PCDHGA5: variants seen among roughly 807,000 people sequenced by gnomAD.
PCDHGA5 encodes the protein protocadherin gamma subfamily A, 5, also known as protocadherin gamma-A5.
PCDHGA5 carries 36 observed loss-of-function variants against 56.7 expected under a neutral mutation model. The observed-to-expected ratio is 0.64, with a 90% CI of 0.49 to 0.84. The LOEUF (loss-of-function observed/expected upper bound fraction) is 0.84, where lower values mean the gene tolerates loss of function less well. Among genes scored for constraint, PCDHGA5 ranks in the 40% least tolerant of loss-of-function variants. The probability of loss-of-function intolerance (pLI) is 0.00; values close to 1 mark genes in which losing one functional copy is unlikely to be tolerated. For synonymous variants in PCDHGA5, 563 were observed against 520.2 expected (o/e 1.08, Z -1.12); for missense variants, 1,305 against 1,201.5 (o/e 1.09, Z -1.27).
chr5:141,394,980 C>T, intron 1 of PCDHGA5: 2 of 1,614,012 alleles, frequency 1.2e-6, no homozygotes, highest in Non-Finnish European at 1.7e-6. Flanking sequence ...GCACAAGTCA[C>T]GCCTGCTCCA....
At chr5:141,400,392 A>C (rs2094014497) in intron 1 of PCDHGA5, 1 of 1,613,942 alleles carries the variant, frequency 6.2e-7, no homozygotes, top group Admixed American at 1.7e-5. Context: ...TTGCACATAC[A>C]GGAAAGACGG....
At chr5:141,478,712 G>T in intron 1 of PCDHGA5, 1 of 1,547,046 alleles carries the variant, frequency 6.5e-7, no homozygotes, top group Non-Finnish European at 8.7e-7. Flanking sequence ...TTTGTGAGAT[G>T]GTGGCCTGCC....
At chr5:141,383,865 A>C in intron 1 of PCDHGA5, 3 of 1,614,012 alleles carry the variant, frequency 1.9e-6, no homozygotes, top group Non-Finnish European at 2.5e-6. Context: ...TTCAGGCTCA[A>C]GATGGTCCTG....
At chr5:141,399,910 G>T in intron 1 of PCDHGA5, 1 of 1,612,438 alleles carries the variant, frequency 6.2e-7, no homozygotes, top group Non-Finnish European at 8.5e-7. Context: ...CGCAGACTCA[G>T]GACACAACGC....
chr5:141,407,158 G>A (rs2094893881), intron 1 of PCDHGA5, among the ~76,000 whole-genome samples: 1 of 152,166 alleles, frequency 6.6e-6, no homozygotes, highest in African/African-American at 2.4e-5. Flanking sequence ...AAGTGTCTGG[G>A]AATCCTTTAT....
rs1221134827 is a variant in PCDHGA5 at position 141,374,345 on chromosome 5, G to T, written c.2421+7594G>T. ...GCGAAACGGCAGCTTGGTCACCGCGGGTAGGATAGACCGCGAGGAGCTCTG... is the reference window on the plus strand; with the variant it reads ...GCGAAACGGCAGCTTGGTCACCGCGTGTAGGATAGACCGCGAGGAGCTCTG... On this transcript the variant is annotated intron_variant, in intron 1 of 3. Coordinates refer to ENST00000518069, the MANE Select transcript of PCDHGA5 (RefSeq NM_018918.3). The T allele has an allele frequency of 3.7e-6, 6 of 1,613,900 alleles. No homozygotes were observed. The African/African-American group carries it at 8.0e-5, about 22-fold the overall frequency.
intron 1 of PCDHGA5, among the ~76,000 whole-genome samples, chr5:141,492,869 A>G (rs975868829): frequency 6.6e-6 from 1 of 152,010 alleles, no homozygotes; most frequent in African/African-American, 2.4e-5. Context: ...CTGGCTCTCA[A>G]CCCCCAGAGA....
chr5:141,441,954 C>T, intron 1 of PCDHGA5: 1 of 319,608 alleles, frequency 3.1e-6, no homozygotes, highest in Non-Finnish European at 6.0e-6. Context: ...TGCAGGCCAG[C>T]AAGCCCAGGC....
intron 1 of PCDHGA5, among the ~76,000 whole-genome samples, chr5:141,469,134 G>T (rs2099192163): frequency 6.6e-6 from 1 of 151,944 alleles, no homozygotes; most frequent in Non-Finnish European, 1.5e-5. Context: ...AAATTAGCCA[G>T]AAATGGTGGC....
intron 1 of PCDHGA5, among the ~76,000 whole-genome samples, chr5:141,386,242 G>A (rs1359369432): frequency 1.3e-5 from 2 of 152,146 alleles, no homozygotes; most frequent in Non-Finnish European, 2.9e-5. Flanking sequence ...AATTCAGTTG[G>A]AAATAACCCA....
chr5:141,367,878 CTTT>C (rs1165351222), intron 1 of PCDHGA5: 2 of 151,946 alleles, frequency 1.3e-5, no homozygotes, highest in South Asian at 2.1e-4. Flanking sequence ...TGCAATTCTT[CTTT>C]ATTACTTGAG....
chr5:141,440,321 C>T (rs1048535776), intron 1 of PCDHGA5: 1 of 152,104 alleles, frequency 6.6e-6, no homozygotes, highest in African/African-American at 2.4e-5. Context: ...ACAAAAATTA[C>T]TGGGCATGGT....
rs201412037 is a variant in PCDHGA5, at chr5:141,421,093, A to G, written c.2421+54342A>G. The G allele has an allele frequency of 3.5e-5, 23 of 665,630 alleles. No homozygotes were observed. In the East Asian group the frequency reaches 6.2e-4, roughly 18 times the overall value. 41.2% of individuals were successfully genotyped at this position (665,630 alleles called of 1,614,324 possible). On this transcript the variant is annotated intron_variant, in intron 1 of 3. Coordinates refer to ENST00000518069, the MANE Select transcript of PCDHGA5 (RefSeq NM_018918.3). ...GAGATGGATACTCACAGATCCTGAC[A>G]CTGGAGACTTAGAAGTATTTTCCTT... is the stretch of plus-strand genomic sequence containing the variant.
intron 1 of PCDHGA5, chr5:141,399,601 C>T: frequency 6.2e-7 from 1 of 1,613,986 alleles, no homozygotes; most frequent in South Asian, 1.1e-5. Context: ...GGCCAGCGAC[C>T]TAGAGCCTCT....
At chr5:141,469,721 A>G (rs1238006043) in intron 1 of PCDHGA5, among the ~76,000 whole-genome samples, 5 of 152,270 alleles carry the variant, frequency 3.3e-5, no homozygotes, top group African/African-American at 1.2e-4. Context: ...TTAGGAATTT[A>G]TCATAAATAC....
At chr5:141,453,481 T>TA (rs1178324090) in intron 1 of PCDHGA5, among the ~76,000 whole-genome samples, 1 of 151,928 alleles carries the variant, frequency 6.6e-6, no homozygotes, top group African/African-American at 2.4e-5. Context: ...TCAAAACTAT[T>TA]AAAAAAAGGT....
Position 141,385,647 on chromosome 5 carries a change from A to C in PCDHGA5, c.2421+18896A>C, listed in dbSNP as rs541754761. On this transcript the variant is annotated intron_variant, in intron 1 of 3. Transcript: ENST00000518069. The stretch of plus-strand genomic sequence containing the variant: ...GAATGAATCGAGTCTTTCATATTGC[A>C]CAAGGTTAGCAGGAATAAAACACAC... The C allele has an allele frequency of 2.2e-5, 16 of 727,638 alleles. No homozygotes were observed. The African/African-American group carries it at 2.4e-4, about 11-fold the overall frequency. 45.1% of individuals were successfully genotyped at this position (727,638 alleles called of 1,614,324 possible).
chr5:141,372,196 A>G lies in PCDHGA5; in HGVS notation c.2421+5445A>G, dbSNP rs1362728407. ...GCGGTGGACGCAGACTCGGGATACA[A>G]CGCCTGGCTGTCCTACCACATTGTG... On this transcript the variant is annotated intron_variant, in intron 1 of 3. Coordinates refer to ENST00000518069, the MANE Select transcript of PCDHGA5 (RefSeq NM_018918.3). 8 of 1,613,504 alleles carry G rather than the reference A, an allele frequency of 5.0e-6. No individual in the cohort carries two copies. The East Asian group carries it at 1.3e-4, about 27-fold the overall frequency.
At chr5:141,420,210 A>T (rs1415966611) in intron 1 of PCDHGA5, 1 of 1,612,612 alleles carries the variant, frequency 6.2e-7, no homozygotes, top group East Asian at 2.2e-5. Flanking sequence ...CTCAACAAAG[A>T]TAGCATGCTA....
Sources: gnomAD v4.1 joint callset for allele counts (sites outside exome capture counted in the v4.1 genomes callset) on GRCh38, gnomAD v4.1.1 for gene constraint, MANE v1.5 for transcripts, NCBI Gene and HGNC (gene_info 2026-07-23, HGNC 2026-07-21) for gene names.